Variants in CLASP1 observed in about 807,000 individuals in gnomAD.
CLASP1 encodes the protein cytoplasmic linker associated protein 1, also known as CLIP-associating protein 1.
CLASP1 carries 38 observed loss-of-function variants against 192.3 expected under a neutral mutation model. The observed-to-expected ratio is 0.20, with a 90% CI of 0.15 to 0.26. The LOEUF (loss-of-function observed/expected upper bound fraction) is 0.26, where lower values mean the gene tolerates loss of function less well. Ranked by LOEUF, CLASP1 falls within the 10% of genes least tolerant of loss-of-function variation. The pLI is 1.00. For missense variants in CLASP1, 1,433 were observed against 1,932.5 expected, an observed-to-expected ratio of 0.74 and a Z score of 4.85; for synonymous variants, 691 against 712.8, an observed-to-expected ratio of 0.97 and a Z score of 0.49.
intron 10 of CLASP1, among the ~76,000 whole-genome samples, chr2:121,461,496 T>G (rs1043493795): frequency 3.9e-5 from 6 of 152,216 alleles, no homozygotes; most frequent in African/African-American, 1.2e-4. Context: ...CAGTGATGCC[T>G]AAGTCATTTC....
intron 2 of CLASP1, among the ~76,000 whole-genome samples, chr2:121,561,726 G>A (rs2059106581): frequency 6.6e-6 from 1 of 152,214 alleles, no homozygotes; most frequent in African/African-American, 2.4e-5. Flanking sequence ...GGAGATAAGG[G>A]CAAGTGAGTC....
At chr2:121,399,805 T>A (rs2075874367) in intron 28 of CLASP1, among the ~76,000 whole-genome samples, 1 of 152,200 alleles carries the variant, frequency 6.6e-6, no homozygotes, top group Admixed American at 6.5e-5. Flanking sequence ...CCTAAATATA[T>A]GAAATAGATC....
chr2:121,575,876 T>C lies in CLASP1; in HGVS notation c.195+29825A>G, dbSNP rs538715805. 1.1e-4 allele frequency among the ~76,000 whole-genome samples: 17 copies of C among 152,310 alleles called. No individual in the cohort carries two copies. In the South Asian group the frequency reaches 1.5e-3, roughly 13 times the overall value. On this transcript the variant is annotated intron_variant, in intron 2 of 39. Coordinates refer to ENST00000263710, the Ensembl canonical transcript of CLASP1. ...TTACAGGGCTTCACATTATGAGCTA[T>C]AGAGAAGGAGACACAGTTAAATGTG...
At chr2:121,547,426 G>A (rs950267048) in intron 2 of CLASP1, among the ~76,000 whole-genome samples, 4 of 149,016 alleles carry the variant, frequency 2.7e-5, no homozygotes, top group African/African-American at 9.8e-5. Context: ...GGAACCCCCA[G>A]CTTGGGCTCG....
chr2:121,397,085 T>C lies in CLASP1; in HGVS notation c.3123+55A>G, dbSNP rs187949575. ...GTTTTCAAGTTTCTAAATACATTTCTCTAACACAAGCCCAGGAACAATCTG... is the reference window on the plus strand; with the variant it reads ...GTTTTCAAGTTTCTAAATACATTTCCCTAACACAAGCCCAGGAACAATCTG... On this transcript the variant is annotated intron_variant, in intron 30 of 39. Transcript: ENST00000263710. 4.1e-3 allele frequency: 6,437 copies of C among 1,584,672 alleles called. 27 individuals are homozygous for C. Among genetic ancestry groups the C allele is most frequent in the Non-Finnish European group, 4.8e-3 (5,501 of 1,155,370 alleles).
At chr2:121,500,254 TA>T (rs1179628286) in intron 8 of CLASP1, among the ~76,000 whole-genome samples, 1 of 148,546 alleles carries the variant, frequency 6.7e-6, no homozygotes, top group African/African-American at 2.5e-5. Flanking sequence ...AGTTGTGTTT[TA>T]AAAAAACACG....
At chr2:121,533,794 TC>T (rs2094963648) in intron 2 of CLASP1, among the ~76,000 whole-genome samples, 1 of 152,232 alleles carries the variant, frequency 6.6e-6, no homozygotes, top group Non-Finnish European at 1.5e-5. Flanking sequence ...AATACTATCA[TC>T]TTGCATTTCC....
At chr2:121,507,111 A>G (rs1001232864) in intron 7 of CLASP1, among the ~76,000 whole-genome samples, 13 of 152,240 alleles carry the variant, frequency 8.5e-5, no homozygotes, top group Non-Finnish European at 1.8e-4. Context: ...GGACACCTAT[A>G]CATTGCCTTA....
chr2:121,416,386 C>A (rs2078581020), intron 23 of CLASP1, among the ~76,000 whole-genome samples: 1 of 152,116 alleles, frequency 6.6e-6, no homozygotes, highest in Non-Finnish European at 1.5e-5. Flanking sequence ...AATATATATT[C>A]ACTAGAATAT....
intron 1 of CLASP1, among the ~76,000 whole-genome samples, chr2:121,647,829 CTT>C (rs1400227434): frequency 6.6e-6 from 1 of 152,204 alleles, no homozygotes; most frequent in Non-Finnish European, 1.5e-5. Context: ...GGAGTCCTGA[CTT>C]TGGTTAACCT....
intron 11 of CLASP1, 63 bp downstream of exon 11, chr2:121,461,037 TA>T (rs1258162563): frequency 4.1e-6 from 4 of 978,806 alleles, no homozygotes; most frequent in African/African-American, 3.3e-5. Flanking sequence ...AATTTCACAA[TA>T]AAGTATTTGA....
intron 2 of CLASP1, among the ~76,000 whole-genome samples, chr2:121,572,881 A>G (rs2060109966): frequency 6.6e-6 from 1 of 152,216 alleles, no homozygotes; most frequent in African/African-American, 2.4e-5. Context: ...CCAATGAGAA[A>G]AGGGAAAGGG....
At chr2:121,620,294 C>A (rs2067118683) in intron 1 of CLASP1, among the ~76,000 whole-genome samples, 1 of 151,610 alleles carries the variant, frequency 6.6e-6, no homozygotes, top group Non-Finnish European at 1.5e-5. Context: ...CAGAAATTAT[C>A]TATAATCAAA....
At chr2:121,491,084 C>A (rs1016384016) in intron 8 of CLASP1, among the ~76,000 whole-genome samples, 3 of 152,190 alleles carry the variant, frequency 2.0e-5, no homozygotes, top group African/African-American at 7.2e-5. Context: ...TTCAGACTTG[C>A]ACAGGTATTT....
chr2:121,610,026 AAT>A (rs10682066), intron 1 of CLASP1, among the ~76,000 whole-genome samples: 7 of 152,094 alleles, frequency 4.6e-5, no homozygotes, highest in Non-Finnish European at 8.8e-5. Context: ...AAAACAAATA[AAT>A]ATGTGTTCTC....
chr2:121,465,134 A>G (rs944130314), intron 9 of CLASP1, among the ~76,000 whole-genome samples: 3 of 151,924 alleles, frequency 2.0e-5, no homozygotes, highest in Non-Finnish European at 2.9e-5. Flanking sequence ...CTCTCTCACC[A>G]CTCCTATTCA....
chr2:121,630,885 C>T (rs1274062099), intron 1 of CLASP1, among the ~76,000 whole-genome samples: 48 of 147,242 alleles, frequency 3.3e-4, no homozygotes, highest in Admixed American at 5.4e-4. Context: ...AGAGGCCGGG[C>T]GCAGTGGCTC....
At position 121,639,016 on chromosome 2, in the gene CLASP1, C is replaced by T. The variant is rs1310849025; in HGVS notation, c.-286+10356G>A. 2.6e-5 allele frequency among the ~76,000 whole-genome samples: 4 copies of T among 152,288 alleles called. No individual in the cohort carries two copies. The East Asian group carries it at 5.8e-4, about 22-fold the overall frequency. On this transcript the variant is annotated intron_variant, in intron 1 of 39. Coordinates refer to ENST00000263710, the Ensembl canonical transcript of CLASP1. ...ATGGGGCCAGGTGCGGTGGCTCACG[C>T]CTGTAATCCCAGCACTTTGGGAGGC...
At chr2:121,425,439 G>A (rs1469927017) in intron 21 of CLASP1, 133 bp from the exon 22 acceptor site, 2 of 705,196 alleles carry the variant, frequency 2.8e-6, no homozygotes, top group Non-Finnish European at 4.4e-6. Context: ...ATTTTTATTT[G>A]GTGGTAGTAA....
Sources: gnomAD v4.1 joint callset for allele counts (sites outside exome capture counted in the v4.1 genomes callset) on GRCh38, gnomAD v4.1.1 for gene constraint, MANE v1.5 for transcripts, NCBI Gene and HGNC (gene_info 2026-07-23, HGNC 2026-07-21) for gene names.